Variants in TMEM260 observed in about 807,000 individuals in gnomAD.
The protein encoded by TMEM260 is transmembrane protein 260.
A neutral mutation model predicts 88.9 loss-of-function variants in TMEM260; 82 were observed. That is an observed-to-expected ratio of 0.92 (90% CI 0.77 to 1.11). The LOEUF (loss-of-function observed/expected upper bound fraction) is 1.11. TMEM260 is among the 50% of genes least tolerant of loss of function. TMEM260 has a pLI of 0.00. For synonymous variants in TMEM260, 314 were observed against 309.3 expected, an observed-to-expected ratio of 1.02 and a Z score of -0.16; for missense variants, 902 against 853.4, an observed-to-expected ratio of 1.06 and a Z score of -0.71.
intron 8 of TMEM260, 73 bp from the exon 9 acceptor site, chr14:56,617,110 T>A: frequency 3.3e-6 from 3 of 903,330 alleles, no homozygotes; most frequent in South Asian, 2.2e-5. Flanking sequence ...TCTAATAGTT[T>A]AAAGTCCTGT....
chr14:56,645,956 T>C (rs1262317191), intron 15 of TMEM260, among the ~76,000 whole-genome samples: 2 of 152,224 alleles, frequency 1.3e-5, no homozygotes, highest in Non-Finnish European at 2.9e-5. Flanking sequence ...ATTTTTTCTT[T>C]CTTTTTTATT....
At chr14:56,641,851 T>G (rs957373133) in intron 15 of TMEM260, among the ~76,000 whole-genome samples, 5 of 151,788 alleles carry the variant, frequency 3.3e-5, no homozygotes, top group Admixed American at 1.3e-4. Context: ...ACAAAGGCAG[T>G]GGTTGCAATC....
At chr14:56,607,276 C>T (rs117552401) in intron 5 of TMEM260, among the ~76,000 whole-genome samples, 262 of 152,208 alleles carry the variant, frequency 1.7e-3, no homozygotes, top group East Asian at 0.016. Flanking sequence ...GGGGTGCATT[C>T]TTAGCACATA....
chr14:56,660,134 C>G, the TMEM260 span, among the ~76,000 whole-genome samples: 2 of 152,168 alleles, frequency 1.3e-5, no homozygotes, highest in East Asian at 1.9e-4. Flanking sequence ...CTTGTGTACT[C>G]TATCCAGTAG....
At chr14:56,652,031 A>G (rs1051921143), downstream of TMEM260, among the ~76,000 whole-genome samples, 1 of 152,206 alleles carries the variant, frequency 6.6e-6, no homozygotes, top group Admixed American at 6.5e-5. Flanking sequence ...AGATAGTTGA[A>G]CTGTTGAAGA....
intron 10 of TMEM260, among the ~76,000 whole-genome samples, chr14:56,621,252 GA>G (rs147003574): frequency 0.043 from 6,596 of 151,980 alleles, 481 homozygotes; most frequent in African/African-American, 0.15. Flanking sequence ...CACTTAGGGG[GA>G]AAAAAGGACC....
At chr14:56,652,489 CAAAAA>C (rs34203722), downstream of TMEM260, among the ~76,000 whole-genome samples, 6 of 115,190 alleles carry the variant, frequency 5.2e-5, no homozygotes, top group African/African-American at 1.9e-4. Flanking sequence ...CAGAGTGTCT[CAAAAA>C]AAAAAAAAAA....
the TMEM260 span, among the ~76,000 whole-genome samples, chr14:56,657,296 A>G: frequency 1.4e-5 from 2 of 147,276 alleles, no homozygotes; most frequent in Non-Finnish European, 3.0e-5. Flanking sequence ...CACCCCATTT[A>G]TTCACTTTTT....
intron 11 of TMEM260, among the ~76,000 whole-genome samples, 162 bp downstream of exon 11, chr14:56,621,864 T>A (rs111887891): frequency 2.0e-5 from 3 of 152,310 alleles, no homozygotes; most frequent in Admixed American, 1.3e-4. Context: ...TATATGGGCA[T>A]ACTTTTTTTT....
chr14:56,616,946 A>G (rs1214714581), intron 8 of TMEM260, among the ~76,000 whole-genome samples: 1 of 152,034 alleles, frequency 6.6e-6, no homozygotes, highest in African/African-American at 2.4e-5. Context: ...AGTAGTTTGC[A>G]TTTCTTCTGT....
chr14:56,610,615 TTA>T (rs1887199231), intron 6 of TMEM260, among the ~76,000 whole-genome samples: 1 of 152,208 alleles, frequency 6.6e-6, no homozygotes, highest in African/African-American at 2.4e-5. Flanking sequence ...TAAAGATGTA[TTA>T]TATATGTTTT....
intron 14 of TMEM260, among the ~76,000 whole-genome samples, chr14:56,635,985 A>C (rs1889030437): frequency 6.6e-6 from 1 of 152,236 alleles, no homozygotes; most frequent in South Asian, 2.1e-4. Context: ...TGTTTGCATA[A>C]TTCACTGTGA....
the TMEM260 span, among the ~76,000 whole-genome samples, chr14:56,659,592 G>C: frequency 1.6e-3 from 249 of 152,254 alleles, no homozygotes; most frequent in Non-Finnish European, 1.4e-3. Context: ...CGGAGAGGCC[G>C]ATGGGATTAA....
chr14:56,641,269 G>A (rs1945730489), intron 15 of TMEM260, among the ~76,000 whole-genome samples: 1 of 152,162 alleles, frequency 6.6e-6, no homozygotes, highest in African/African-American at 2.4e-5. Flanking sequence ...CAGAGAGAAA[G>A]ATGGGGTTAC....
chr14:56,624,397 A>G (rs2139605017), intron 11 of TMEM260, among the ~76,000 whole-genome samples: 1 of 152,270 alleles, frequency 6.6e-6, no homozygotes, highest in South Asian at 2.1e-4. Context: ...AACATGGTGA[A>G]ACCCCGTGTC....
At chr14:56,637,243 T>TAAAACAAGTTCTAGCTG (rs1889172426) in intron 15 of TMEM260, among the ~76,000 whole-genome samples, 1 of 152,252 alleles carries the variant, frequency 6.6e-6, no homozygotes, top group Non-Finnish European at 1.5e-5. Flanking sequence ...TAGCTTCATT[T>TAAAACAAGTTCTAGCTG]AAAACAAGTT....
chr14:56,659,654 A>C, the TMEM260 span, among the ~76,000 whole-genome samples: 42,367 of 152,198 alleles, frequency 0.28, 6,736 homozygotes, highest in Non-Finnish European at 0.37. Flanking sequence ...AGCAGGATCT[A>C]GTCGGGGATT....
At position 56,648,126 on chromosome 14, in the gene TMEM260, G is replaced by C. The variant is rs533254167; in HGVS notation, c.*629G>C. 1 of 151,572 alleles carries C rather than the reference G, an allele frequency of 6.6e-6. No homozygotes were observed. Among genetic ancestry groups the C allele is most frequent in the Non-Finnish European group, 1.5e-5 (1 of 67,938 alleles). 9.4% of individuals were successfully genotyped at this position (151,572 alleles called of 1,614,324 possible). ...TTGATGTTTGCTTATTTCAGTTGCA[G>C]AAACTGGCGAGTAAAAAAGATTTTG... On this transcript the variant is annotated 3_prime_UTR_variant, in exon 16 of 16. Transcript: ENST00000261556.
chr14:56,640,527 A>G (rs1424140331), intron 15 of TMEM260, among the ~76,000 whole-genome samples: 2 of 152,222 alleles, frequency 1.3e-5, no homozygotes, highest in African/African-American at 2.4e-5. Flanking sequence ...GAAGGTAGAT[A>G]AAACCACAGA....
Sources: allele counts gnomAD v4.1 joint callset (sites outside exome capture counted in the v4.1 genomes callset), GRCh38; gene constraint gnomAD v4.1.1; transcripts MANE v1.5; gene names NCBI Gene and HGNC (gene_info 2026-07-23, HGNC 2026-07-21).